NEDD4L: variants seen among roughly 807,000 people sequenced by gnomAD.
The protein encoded by NEDD4L is E3 ubiquitin-protein ligase NEDD4-like.
Under a neutral mutation model 148.9 loss-of-function variants are expected in NEDD4L, and 54 were observed. The observed-to-expected ratio is 0.36, with a 90% CI of 0.29 to 0.45. The LOEUF (loss-of-function observed/expected upper bound fraction) is 0.45. Among genes scored for constraint, NEDD4L ranks in the 20% least tolerant of loss-of-function variants. The pLI is 1.00. For missense variants in NEDD4L, 856 were observed against 1,233.8 expected, an observed-to-expected ratio of 0.69 and a Z score of 4.59; for synonymous variants, 433 against 440.7, an observed-to-expected ratio of 0.98 and a Z score of 0.22.
intron 21 of NEDD4L, among the ~76,000 whole-genome samples, chr18:58,367,453 T>C (rs1282719311): frequency 6.6e-6 from 1 of 152,162 alleles, no homozygotes; most frequent in Admixed American, 6.5e-5. Flanking sequence ...GCGTTTCTCA[T>C]CTCCCCAAGA....
intron 2 of NEDD4L, among the ~76,000 whole-genome samples, chr18:58,191,999 C>A (rs958394408): frequency 6.6e-6 from 1 of 152,000 alleles, no homozygotes; most frequent in Non-Finnish European, 1.5e-5. Flanking sequence ...GGTGAAACTC[C>A]ATCTCTACAA....
intron 5 of NEDD4L, among the ~76,000 whole-genome samples, chr18:58,291,823 A>G (rs144449659): frequency 3.3e-5 from 5 of 152,136 alleles, no homozygotes; most frequent in African/African-American, 1.2e-4. Context: ...GCAGCTGGTA[A>G]TGGCTAGTAT....
intron 22 of NEDD4L, 46 bp from the exon 23 acceptor site, chr18:58,370,351 C>T (rs375584190): frequency 6.5e-6 from 7 of 1,082,048 alleles, no homozygotes; most frequent in Non-Finnish European, 1.0e-5. Flanking sequence ...TGATACATAG[C>T]AGTGTCAAAG....
chr18:58,271,039 C>T (rs2050966866), intron 5 of NEDD4L, among the ~76,000 whole-genome samples: 1 of 152,096 alleles, frequency 6.6e-6, no homozygotes, highest in Non-Finnish European at 1.5e-5. Context: ...TATATACTAG[C>T]TGTTTAGCCT....
chr18:58,108,866 T>C (rs903841630), intron 1 of NEDD4L, among the ~76,000 whole-genome samples: 23 of 152,234 alleles, frequency 1.5e-4, no homozygotes, highest in Admixed American at 1.4e-3. Context: ...TTCCATCTTA[T>C]CACCTGTGAA....
At chr18:58,346,209 T>A (rs1261188072) in intron 16 of NEDD4L, among the ~76,000 whole-genome samples, 1 of 152,196 alleles carries the variant, frequency 6.6e-6, no homozygotes, top group Admixed American at 6.5e-5. Context: ...AGCACGTGTA[T>A]ACGGGTTGAG....
intron 26 of NEDD4L, 147 bp downstream of exon 26, chr18:58,385,733 C>A: frequency 1.5e-6 from 1 of 661,950 alleles, no homozygotes; most frequent in Non-Finnish European, 2.7e-6. Flanking sequence ...GATCGCACAG[C>A]TCACACCGCT....
intron 5 of NEDD4L, among the ~76,000 whole-genome samples, chr18:58,299,915 A>G (rs1358557329): frequency 1.3e-5 from 2 of 152,246 alleles, no homozygotes; most frequent in African/African-American, 4.8e-5. Context: ...TACAATGACT[A>G]GCTCCCCAAG....
chr18:58,287,776 T>C (rs1445252387), intron 5 of NEDD4L, among the ~76,000 whole-genome samples: 1 of 152,204 alleles, frequency 6.6e-6, no homozygotes, highest in African/African-American at 2.4e-5. Flanking sequence ...CATTGTCCTT[T>C]TGTGAGTTGC....
intron 1 of NEDD4L, among the ~76,000 whole-genome samples, chr18:58,146,609 C>G (rs1298472895): frequency 6.6e-6 from 1 of 152,146 alleles, no homozygotes; most frequent in Non-Finnish European, 1.5e-5. Flanking sequence ...CTGTAGCCTC[C>G]TGGAAGCTGT....
chr18:58,250,789 G>C (rs2047832579), intron 4 of NEDD4L, among the ~76,000 whole-genome samples: 1 of 152,176 alleles, frequency 6.6e-6, no homozygotes, highest in African/African-American at 2.4e-5. Flanking sequence ...ATAGGAGAGA[G>C]AATCCTTACC....
intron 2 of NEDD4L, among the ~76,000 whole-genome samples, chr18:58,236,572 A>G (rs2046045474): frequency 6.6e-6 from 1 of 152,170 alleles, no homozygotes; most frequent in African/African-American, 2.4e-5. Flanking sequence ...CATCCATGAA[A>G]GGGAGACTCT....
intron 30 of NEDD4L, among the ~76,000 whole-genome samples, chr18:58,393,777 A>G (rs900938381): frequency 1.3e-5 from 2 of 152,198 alleles, no homozygotes; most frequent in Non-Finnish European, 2.9e-5. Flanking sequence ...ACGTTTTATG[A>G]TACACAATTA....
At chr18:58,263,556 C>A (rs1419937029) in intron 5 of NEDD4L, among the ~76,000 whole-genome samples, 1 of 151,696 alleles carries the variant, frequency 6.6e-6, no homozygotes, top group Admixed American at 6.6e-5. Flanking sequence ...ATTGGTCATT[C>A]GAGAGCTGGT....
At chr18:58,097,979 T>C (rs1266304487) in intron 1 of NEDD4L, among the ~76,000 whole-genome samples, 1 of 152,174 alleles carries the variant, frequency 6.6e-6, no homozygotes, top group East Asian at 1.9e-4. Flanking sequence ...CAGTGAGCCA[T>C]GATCACGCCA....
At chr18:58,129,054 G>T (rs756969105) in intron 1 of NEDD4L, among the ~76,000 whole-genome samples, 17 of 152,172 alleles carry the variant, frequency 1.1e-4, no homozygotes, top group Non-Finnish European at 2.1e-4. Context: ...TCCAGATCAC[G>T]CATTTGAGAT....
intron 1 of NEDD4L, among the ~76,000 whole-genome samples, chr18:58,085,202 A>G (rs117893278): frequency 6.6e-6 from 1 of 152,228 alleles, no homozygotes; most frequent in Non-Finnish European, 1.5e-5. Flanking sequence ...GTTCAACCCA[A>G]TGAGAACAAT....
In NEDD4L at chr18:58,398,120, AC is replaced by A. The variant is rs2050608238; in HGVS notation, c.*1853del. 1.5e-5 allele frequency: 2 copies of A among 134,792 alleles called. No homozygotes were observed. The highest frequency in any genetic ancestry group is 2.5e-4 in the South Asian group (1 of 3,978). The allele number at this position is 134,792 out of a possible 1,614,324, so 8.3% of individuals were successfully genotyped here. Reference sequence around the variant, plus strand: ...TCCTTTTTCTTATTGGTTGAAAATTACCTGGTAGTGATCAGAAAACTTAGAT... The same window carrying A: ...TCCTTTTTCTTATTGGTTGAAAATTACTGGTAGTGATCAGAAAACTTAGAT... On this transcript the variant is annotated 3_prime_UTR_variant, in exon 31 of 31. Transcript: ENST00000400345.
At chr18:58,333,944 C>A in intron 12 of NEDD4L, 52 bp downstream of exon 12, 1 of 1,220,564 alleles carries the variant, frequency 8.2e-7, no homozygotes, top group South Asian at 1.3e-5. Flanking sequence ...CTTTCATTTA[C>A]AATCATCTGG....
Sources: gnomAD v4.1 joint callset for allele counts (sites outside exome capture counted in the v4.1 genomes callset) on GRCh38, gnomAD v4.1.1 for gene constraint, MANE v1.5 for transcripts, NCBI Gene and HGNC (gene_info 2026-07-23, HGNC 2026-07-21) for gene names.